Variants in PDE4D observed in about 807,000 individuals in gnomAD.
PDE4D encodes 3',5'-cyclic-AMP phosphodiesterase 4D.
A neutral mutation model predicts 87.4 loss-of-function variants in PDE4D; 24 were observed. The observed-to-expected ratio is 0.27, with a 90% confidence interval of 0.20 to 0.39. The LOEUF (loss-of-function observed/expected upper bound fraction) is 0.39. Ranked by LOEUF, PDE4D falls within the 10% of genes least tolerant of loss-of-function variation. The pLI is 1.00. For synonymous variants in PDE4D, 384 were observed against 383.2 expected (o/e 1.00, Z -0.02); for missense variants, 714 against 1,041.0 (o/e 0.69, Z 4.32).
intron 1 of PDE4D, among the ~76,000 whole-genome samples, chr5:60,506,137 T>C (rs772427463): frequency 5.9e-5 from 9 of 152,218 alleles, no homozygotes; most frequent in Non-Finnish European, 1.0e-4. Context: ...GTCAGCATCA[T>C]TGCAGTGTCT....
intron 1 of PDE4D, among the ~76,000 whole-genome samples, chr5:60,278,346 T>C (rs1751572764): frequency 1.3e-5 from 2 of 152,178 alleles, no homozygotes; most frequent in South Asian, 2.1e-4. Flanking sequence ...ATTTTCTTTG[T>C]GTCTTTCATT....
chr5:59,849,019 C>T (rs1010261742), intron 1 of PDE4D, among the ~76,000 whole-genome samples: 4 of 151,940 alleles, frequency 2.6e-5, no homozygotes, highest in Admixed American at 6.6e-5. Context: ...TCATACAACT[C>T]GGCGCTGTGA....
intron 5 of PDE4D, among the ~76,000 whole-genome samples, chr5:59,123,989 C>T (rs1774995380): frequency 6.6e-6 from 1 of 152,180 alleles, no homozygotes. Context: ...TATACCACTT[C>T]CTAATATTTC....
chr5:59,910,337 TCTA>T (rs1391588980), intron 3 of PDE4D, among the ~76,000 whole-genome samples: 1 of 152,244 alleles, frequency 6.6e-6, no homozygotes, highest in Non-Finnish European at 1.5e-5. Flanking sequence ...TGACAAAGTC[TCTA>T]CTGATTTAAC....
At chr5:59,664,624 A>T (rs1010432157) in intron 1 of PDE4D, among the ~76,000 whole-genome samples, 2 of 152,294 alleles carry the variant, frequency 1.3e-5, no homozygotes, top group Middle Eastern at 3.4e-3. Flanking sequence ...TTTGTGAAAA[A>T]TTTCATTCAT....
intron 1 of PDE4D, among the ~76,000 whole-genome samples, chr5:59,824,994 T>C (rs931732124): frequency 1.3e-5 from 2 of 152,204 alleles, no homozygotes; most frequent in African/African-American, 2.4e-5. Flanking sequence ...GGATTGGTAA[T>C]AGCACTAGAG....
At chr5:59,043,149 ACAT>A in intron 5 of PDE4D, among the ~76,000 whole-genome samples, 1 of 152,348 alleles carries the variant, frequency 6.6e-6, no homozygotes, top group East Asian at 1.9e-4. Flanking sequence ...CTATTGGTAT[ACAT>A]GAAGAGAACA....
At chr5:60,054,737 T>C (rs533326475) in intron 2 of PDE4D, among the ~76,000 whole-genome samples, 1 of 152,212 alleles carries the variant, frequency 6.6e-6, no homozygotes, top group East Asian at 1.9e-4. Context: ...CATAAGCCTT[T>C]TAAAGTATTC....
intron 1 of PDE4D, among the ~76,000 whole-genome samples, chr5:59,762,100 G>GTA (rs576537341): frequency 5.9e-5 from 9 of 151,268 alleles, no homozygotes; most frequent in African/African-American, 1.7e-4. Flanking sequence ...AATGATCCAG[G>GTA]TATATATATA....
chr5:59,072,224 C>T (rs1764966623), intron 5 of PDE4D, among the ~76,000 whole-genome samples: 1 of 152,034 alleles, frequency 6.6e-6, no homozygotes, highest in South Asian at 2.1e-4. Context: ...GGTTTTTTCT[C>T]TTGGGTTGGT....
chr5:60,180,644 AC>A (rs1366845167), intron 2 of PDE4D, among the ~76,000 whole-genome samples: 1 of 152,190 alleles, frequency 6.6e-6, no homozygotes, highest in Non-Finnish European at 1.5e-5. Flanking sequence ...AGAGCCTAAC[AC>A]ACAGTAGCCA....
In PDE4D at chr5:59,762,289, C is replaced by CGTATATGT. The variant is rs1225128509; in HGVS notation, c.455+130878_455+130879insACATATAC. ...ATATGTGTATATGGGTACACATATGCGTATATGGGTACACATATGCGTATA... is the reference window on the plus strand; with the variant it reads ...ATATGTGTATATGGGTACACATATGCGTATATGTGTATATGGGTACACATATGCGTATA... On this transcript the variant is annotated intron_variant, in intron 1 of 14. Coordinates refer to ENST00000340635, the MANE Select transcript of PDE4D (RefSeq NM_001104631.2). 2.3e-5 allele frequency among the ~76,000 whole-genome samples: 3 copies of CGTATATGT among 131,948 alleles called. 1 individual carries two copies. The highest frequency in any genetic ancestry group is 6.0e-5 in the African/African-American group (2 of 33,182). 86.6% of individuals were successfully genotyped at this position (131,948 alleles called of 152,430 possible).
chr5:59,736,251 T>A (rs73101192), intron 1 of PDE4D, among the ~76,000 whole-genome samples: 4,580 of 151,742 alleles, frequency 0.03, 228 homozygotes, highest in African/African-American at 0.11. Flanking sequence ...AACAAACAAA[T>A]GGAAAATAAT....
chr5:60,166,802 G>C (rs573855652), intron 2 of PDE4D, among the ~76,000 whole-genome samples: 69 of 152,032 alleles, frequency 4.5e-4, no homozygotes, highest in Non-Finnish European at 8.5e-4. Flanking sequence ...ATTTCTAAAA[G>C]ATGGCTTTTC....
At chr5:59,506,626 G>A (rs748157262) in intron 1 of PDE4D, among the ~76,000 whole-genome samples, 1 of 151,906 alleles carries the variant, frequency 6.6e-6, no homozygotes, top group African/African-American at 2.4e-5. Flanking sequence ...CAGCAAAATA[G>A]CTAGCTAAAT....
In PDE4D at chr5:59,914,866, GGTGTGTGTGTGT is replaced by G. The variant is rs3062699; in HGVS notation, c.272+73610_272+73621del. 5.1e-3 allele frequency among the ~76,000 whole-genome samples: 624 copies of G among 122,616 alleles called. 3 individuals are homozygous for G. The highest frequency in any genetic ancestry group is 0.012 in the East Asian group (48 of 4,154). 80.4% of individuals were successfully genotyped at this position (122,616 alleles called of 152,430 possible). On this transcript the variant is annotated intron_variant, in intron 3 of 16. Coordinates refer to the PDE4D transcript ENST00000502484. ...GGCTTGGTTATAATTTACTGATAGG[GGTGTGTGTGTGT>G]GTGTGTGTGTGTGTGTGTGTGTGTG...
At chr5:59,975,626 CT>C in intron 3 of PDE4D, among the ~76,000 whole-genome samples, 1 of 152,302 alleles carries the variant, frequency 6.6e-6, no homozygotes, top group Admixed American at 6.5e-5. Context: ...AATAATCCAA[CT>C]GTTTGCCTTT....
intron 6 of PDE4D, among the ~76,000 whole-genome samples, chr5:59,032,407 C>T (rs1308924145): frequency 1.3e-5 from 2 of 152,134 alleles, no homozygotes; most frequent in African/African-American, 4.8e-5. Context: ...TGGTGAAACC[C>T]CATCTCTACT....
intron 3 of PDE4D, among the ~76,000 whole-genome samples, chr5:59,953,754 A>G (rs1041057970): frequency 1.3e-4 from 20 of 152,228 alleles, no homozygotes; most frequent in Non-Finnish European, 2.5e-4. Flanking sequence ...ACTAAAAAGT[A>G]GCAATACTCT....
Sources: gnomAD v4.1 joint callset for allele counts (sites outside exome capture counted in the v4.1 genomes callset) on GRCh38, gnomAD v4.1.1 for gene constraint, MANE v1.5 for transcripts, NCBI Gene and HGNC (gene_info 2026-07-23, HGNC 2026-07-21) for gene names.